Variants in DNER observed in about 807,000 individuals in gnomAD.
The protein encoded by DNER is delta and Notch-like epidermal growth factor-related receptor.
In DNER, 33 loss-of-function variants were observed where a neutral mutation model predicts 78.2. The observed-to-expected ratio is 0.42, with a 90% CI of 0.32 to 0.56. The LOEUF (loss-of-function observed/expected upper bound fraction) is 0.56, where lower values mean the gene tolerates loss of function less well. Ranked by LOEUF, DNER falls within the 20% of genes least tolerant of loss-of-function variation. The pLI, the probability that DNER is intolerant of heterozygous loss-of-function variation, is 0.11. For missense variants in DNER, 918 were observed against 975.3 expected (o/e 0.94, Z 0.78); for synonymous variants, 417 against 384.8 (o/e 1.08, Z -0.98).
intron 4 of DNER, among the ~76,000 whole-genome samples, chr2:229,552,536 C>T (rs1696766089): frequency 6.6e-6 from 1 of 152,098 alleles, no homozygotes; most frequent in Non-Finnish European, 1.5e-5. Context: ...TGATAGTGAG[C>T]GAGTTCTCAT....
intron 1 of DNER, among the ~76,000 whole-genome samples, chr2:229,651,903 A>C (rs577026980): frequency 1.3e-5 from 2 of 152,344 alleles, no homozygotes; most frequent in South Asian, 2.1e-4. Context: ...GCATAGCCTT[A>C]AAGCAACCAT....
intron 5 of DNER, among the ~76,000 whole-genome samples, chr2:229,517,066 G>A (rs1312204397): frequency 8.5e-5 from 12 of 141,662 alleles, no homozygotes; most frequent in Middle Eastern, 4.8e-3. Flanking sequence ...AGCCGAGATC[G>A]CGCCACTGCA....
intron 4 of DNER, among the ~76,000 whole-genome samples, chr2:229,554,647 C>T (rs1339989073): frequency 1.3e-5 from 2 of 152,028 alleles, no homozygotes. Flanking sequence ...TGAGATCGTG[C>T]CACTTCATTC....
intron 1 of DNER, among the ~76,000 whole-genome samples, chr2:229,675,848 C>T (rs1019771514): frequency 2.0e-5 from 3 of 152,154 alleles, no homozygotes; most frequent in African/African-American, 7.2e-5. Flanking sequence ...GAGAACCATG[C>T]ACTGGTGAAT....
intron 1 of DNER, among the ~76,000 whole-genome samples, chr2:229,699,262 T>C (rs1421903751): frequency 6.6e-6 from 1 of 152,210 alleles, no homozygotes; most frequent in African/African-American, 2.4e-5. Flanking sequence ...TGTTCCAGCC[T>C]CAATAAAAAG....
In DNER at chr2:229,641,081, A is replaced by T. The variant is rs193261970; in HGVS notation, c.277-49193T>A. Among the ~76,000 whole-genome samples the T allele has an allele frequency of 8.5e-5, 13 of 152,336 alleles. No individual in the cohort carries two copies. The East Asian group carries it at 2.5e-3, about 29-fold the overall frequency. On this transcript the variant is annotated intron_variant, in intron 1 of 12. Coordinates refer to ENST00000341772, the MANE Select transcript of DNER (RefSeq NM_139072.4). ...CTAGAGGTCTTGTTGAAGTTGAAGG[A>T]CAGATGCAGGAGGAATAAATGAGCC...
At chr2:229,572,845 T>G (rs1697239845) in intron 4 of DNER, among the ~76,000 whole-genome samples, 1 of 152,214 alleles carries the variant, frequency 6.6e-6, no homozygotes, top group South Asian at 2.1e-4. Context: ...GTTACTTGAA[T>G]GTGACTTTAT....
intron 11 of DNER, among the ~76,000 whole-genome samples, chr2:229,384,229 T>A (rs561918944): frequency 1.3e-5 from 2 of 152,148 alleles, no homozygotes; most frequent in South Asian, 2.1e-4. Context: ...AAAGACACAA[T>A]GTACCAGAAT....
chr2:229,597,812 C>T (rs1697749595), intron 1 of DNER, among the ~76,000 whole-genome samples: 1 of 152,170 alleles, frequency 6.6e-6, no homozygotes, highest in African/African-American at 2.4e-5. Flanking sequence ...ATAGAACTAA[C>T]CTGAAACTAT....
rs745629398 is a variant in DNER at position 229,447,495 on chromosome 2, G to A, written c.1307C>T (p.Ser436Leu). Reference protein sequence around the residue: ...ACEEKVDPCASSPCQNNGTCY... With the variant: ...ACEEKVDPCALSPCQNNGTCY... ...GGTGCCGTTGTTCTGGCACGGAGAC[G>A]AGGCGCAGGGGTCCACCTTTTCTTC... The change falls in exon 8 of 13, where the codon TCG becomes TTG. Residue 436 changes from serine to leucine, a missense_variant. Ser to Leu is a moderately radical substitution (Grantham distance 145). Coordinates refer to ENST00000341772, the MANE Select transcript of DNER (RefSeq NM_139072.4). 48 of 1,614,044 alleles carry A rather than the reference G, an allele frequency of 3.0e-5. No individual in the cohort carries two copies. Among genetic ancestry groups the A allele is most frequent in the Admixed American group, 6.7e-5 (4 of 59,992 alleles).
chr2:229,404,313 G>A (rs762768242), intron 10 of DNER, among the ~76,000 whole-genome samples: 14 of 152,102 alleles, frequency 9.2e-5, no homozygotes, highest in Non-Finnish European at 1.5e-4. Context: ...GGGAGGCCTC[G>A]GAAAACTTAC....
intron 5 of DNER, among the ~76,000 whole-genome samples, chr2:229,532,254 G>A (rs190515953): frequency 5.3e-5 from 8 of 152,152 alleles, no homozygotes; most frequent in African/African-American, 1.9e-4. Context: ...CTTCTCTGCA[G>A]CTTTCCTTAC....
intron 11 of DNER, among the ~76,000 whole-genome samples, chr2:229,371,069 C>T (rs1054885567): frequency 6.6e-6 from 1 of 152,198 alleles, no homozygotes; most frequent in Non-Finnish European, 1.5e-5. Flanking sequence ...CAAGATTTCT[C>T]CTAAAAGCTC....
chr2:229,538,928 C>G (rs1696463252), intron 5 of DNER, among the ~76,000 whole-genome samples: 1 of 152,146 alleles, frequency 6.6e-6, no homozygotes, highest in African/African-American at 2.4e-5. Context: ...ATCCACTATC[C>G]CACTCTGCAC....
intron 10 of DNER, among the ~76,000 whole-genome samples, chr2:229,397,823 T>G (rs909646445): frequency 3.3e-5 from 5 of 152,052 alleles, no homozygotes; most frequent in Non-Finnish European, 7.4e-5. Flanking sequence ...AAAATTAAAT[T>G]GACTGAAAAT....
intron 11 of DNER, among the ~76,000 whole-genome samples, chr2:229,380,241 T>G (rs960803008): frequency 1.3e-5 from 2 of 152,022 alleles, no homozygotes; most frequent in African/African-American, 4.8e-5. Context: ...GATGACCCTA[T>G]CCAGCCATAG....
chr2:229,376,209 G>C (rs935700620), intron 11 of DNER, among the ~76,000 whole-genome samples: 2 of 152,142 alleles, frequency 1.3e-5, no homozygotes, highest in Non-Finnish European at 2.9e-5. Flanking sequence ...ACGAAGCGAT[G>C]GTATTAAGAG....
At chr2:229,571,874 C>G (rs1301267326) in intron 4 of DNER, among the ~76,000 whole-genome samples, 1 of 152,024 alleles carries the variant, frequency 6.6e-6, no homozygotes, top group African/African-American at 2.4e-5. Flanking sequence ...CCCACTTCCA[C>G]CCACTGGATT....
intron 6 of DNER, among the ~76,000 whole-genome samples, chr2:229,484,616 C>G (rs1414267122): frequency 6.6e-6 from 1 of 152,088 alleles, no homozygotes; most frequent in African/African-American, 2.4e-5. Context: ...ATTCTTCCCC[C>G]AGGTGTCATT....
Sources: gnomAD v4.1 joint callset for allele counts (sites outside exome capture counted in the v4.1 genomes callset) on GRCh38, gnomAD v4.1.1 for gene constraint, MANE v1.5 for transcripts, NCBI Gene and HGNC (gene_info 2026-07-23, HGNC 2026-07-21) for gene names.